KCNQ5: variants seen among roughly 807,000 people sequenced by gnomAD.
The protein encoded by KCNQ5 is potassium voltage-gated channel subfamily Q member 5.
Under a neutral mutation model 98.2 loss-of-function variants are expected in KCNQ5, and 30 were observed. That is an observed-to-expected ratio of 0.31 (90% CI 0.23 to 0.41). The LOEUF (loss-of-function observed/expected upper bound fraction) is 0.41, where lower values mean the gene tolerates loss of function less well. Among genes scored for constraint, KCNQ5 ranks in the 10% least tolerant of loss-of-function variants. The pLI is 1.00. For synonymous variants in KCNQ5, 458 were observed against 449.4 expected, an observed-to-expected ratio of 1.02 and a Z score of -0.24; for missense variants, 835 against 1,182.5, an observed-to-expected ratio of 0.71 and a Z score of 4.31.
At chr6:72,840,209 G>T (rs995486044) in intron 1 of KCNQ5, among the ~76,000 whole-genome samples, 17 of 152,166 alleles carry the variant, frequency 1.1e-4, no homozygotes, top group African/African-American at 4.8e-5. Flanking sequence ...GAGTAATGCT[G>T]CAGTGAACAT....
intron 1 of KCNQ5, among the ~76,000 whole-genome samples, chr6:72,800,279 A>G (rs1774573047): frequency 6.6e-6 from 1 of 152,144 alleles, no homozygotes; most frequent in Non-Finnish European, 1.5e-5. Flanking sequence ...TTGGTTGGTA[A>G]GCTATTATTG....
chr6:73,004,895 T>C (rs547251764), intron 2 of KCNQ5, among the ~76,000 whole-genome samples: 1 of 152,182 alleles, frequency 6.6e-6, no homozygotes, highest in South Asian at 2.1e-4. Context: ...TAAGCAGAGG[T>C]TGGTTATGTT....
intron 1 of KCNQ5, among the ~76,000 whole-genome samples, chr6:72,656,533 T>A (rs1370870354): frequency 6.6e-6 from 1 of 152,230 alleles, no homozygotes; most frequent in Non-Finnish European, 1.5e-5. Context: ...ATCTATTATA[T>A]CTTTGCAATA....
chr6:72,985,026 G>A (rs1053977424), intron 1 of KCNQ5, among the ~76,000 whole-genome samples: 4 of 152,198 alleles, frequency 2.6e-5, no homozygotes, highest in East Asian at 3.9e-4. Context: ...GCAACAAAGT[G>A]AGACTGTCAC....
intron 10 of KCNQ5, among the ~76,000 whole-genome samples, chr6:73,138,646 C>T (rs1776574770): frequency 6.6e-6 from 1 of 152,164 alleles, no homozygotes; most frequent in African/African-American, 2.4e-5. Context: ...AATTACCATT[C>T]CTGCTGAGCA....
At chr6:72,934,037 G>T (rs1290305872) in intron 1 of KCNQ5, among the ~76,000 whole-genome samples, 2 of 152,196 alleles carry the variant, frequency 1.3e-5, no homozygotes, top group Admixed American at 1.3e-4. Context: ...TCCAGCCTGG[G>T]CAACAAAGGG....
At chr6:73,039,167 A>C (rs75659165) in intron 2 of KCNQ5, among the ~76,000 whole-genome samples, 2,609 of 152,242 alleles carry the variant, frequency 0.017, 71 homozygotes, top group African/African-American at 0.058. Flanking sequence ...TCAGTGGCGT[A>C]GAATCTATAC....
intron 1 of KCNQ5, among the ~76,000 whole-genome samples, chr6:72,769,165 A>G (rs948722747): frequency 3.3e-5 from 5 of 152,154 alleles, no homozygotes; most frequent in African/African-American, 9.6e-5. Context: ...ACTCTAAAAC[A>G]GAAATATCAT....
At chr6:73,178,321 CTCATGCCTATAATT>C (rs1387608749) in intron 11 of KCNQ5, among the ~76,000 whole-genome samples, 1 of 151,380 alleles carries the variant, frequency 6.6e-6, no homozygotes, top group African/African-American at 2.4e-5. Flanking sequence ...GGTGCAGTGG[CTCATGCCTATAATT>C]TCAACACTTT....
At chr6:72,651,375 C>G (rs1405564194) in intron 1 of KCNQ5, among the ~76,000 whole-genome samples, 1 of 152,010 alleles carries the variant, frequency 6.6e-6, no homozygotes, top group African/African-American at 2.4e-5. Context: ...GCTATGACTC[C>G]TTCAGTGGAA....
intron 1 of KCNQ5, among the ~76,000 whole-genome samples, chr6:72,694,236 T>C (rs897213030): frequency 4.6e-5 from 7 of 152,190 alleles, no homozygotes; most frequent in African/African-American, 1.7e-4. Context: ...ACAAGAAATA[T>C]ACAACATCTG....
intron 1 of KCNQ5, among the ~76,000 whole-genome samples, chr6:72,977,374 T>C (rs1416937138): frequency 6.6e-6 from 1 of 152,186 alleles, no homozygotes; most frequent in Non-Finnish European, 1.5e-5. Context: ...CATGATATTG[T>C]GCAGGAAACA....
intron 3 of KCNQ5, among the ~76,000 whole-genome samples, chr6:73,063,614 A>T (rs1772881597): frequency 6.6e-6 from 1 of 151,986 alleles, no homozygotes; most frequent in South Asian, 2.1e-4. Context: ...ATTATATGTG[A>T]CCTGTTTGGT....
chr6:73,016,060 A>G (rs1408340778), intron 2 of KCNQ5, among the ~76,000 whole-genome samples: 1 of 152,138 alleles, frequency 6.6e-6, no homozygotes, highest in South Asian at 2.1e-4. Context: ...TCATGGAGCT[A>G]ATGTTTTTGT....
At chr6:72,679,333 A>C (rs1767574428) in intron 1 of KCNQ5, among the ~76,000 whole-genome samples, 1 of 152,178 alleles carries the variant, frequency 6.6e-6, no homozygotes, top group South Asian at 2.1e-4. Flanking sequence ...CAAATGTCCA[A>C]CAAAGATAGA....
intron 1 of KCNQ5, among the ~76,000 whole-genome samples, chr6:72,998,621 C>G (rs1769416433): frequency 6.6e-6 from 1 of 151,906 alleles, no homozygotes; most frequent in African/African-American, 2.4e-5. Flanking sequence ...CCTGTAGTCC[C>G]AGCTACTCAG....
Position 73,029,106 on chromosome 6 carries a change from T to C in KCNQ5, c.490-12830T>C, listed in dbSNP as rs191017654. ...TGTATTAATTAAGACATATTGATGATGTGAGCAGAGGTGTATGACAGCAAT... is the reference window on the plus strand; with the variant it reads ...TGTATTAATTAAGACATATTGATGACGTGAGCAGAGGTGTATGACAGCAAT... On this transcript the variant is annotated intron_variant, in intron 2 of 13. Coordinates refer to ENST00000370398, the MANE Select transcript of KCNQ5 (RefSeq NM_019842.4). Among the ~76,000 whole-genome samples, 603 of 152,304 alleles carry C rather than the reference T, an allele frequency of 4.0e-3. 4 individuals carry two copies. Among genetic ancestry groups the C allele is most frequent in the Non-Finnish European group, 6.7e-3 (455 of 68,020 alleles).
chr6:72,707,893 C>T (rs1011923029), intron 1 of KCNQ5, among the ~76,000 whole-genome samples: 1 of 152,094 alleles, frequency 6.6e-6, no homozygotes, highest in Non-Finnish European at 1.5e-5. Context: ...TTTTATTTTG[C>T]AGGCTGATCT....
At chr6:73,191,763 T>C (rs1765598377) in intron 12 of KCNQ5, among the ~76,000 whole-genome samples, 1 of 152,336 alleles carries the variant, frequency 6.6e-6, no homozygotes, top group East Asian at 1.9e-4. Flanking sequence ...CCAGACCTTG[T>C]AGAGTTTGCA....
Sources: gnomAD v4.1 joint callset for allele counts (sites outside exome capture counted in the v4.1 genomes callset) on GRCh38, gnomAD v4.1.1 for gene constraint, MANE v1.5 for transcripts, NCBI Gene and HGNC (gene_info 2026-07-23, HGNC 2026-07-21) for gene names.